EPHA2: variants seen among roughly 807,000 people sequenced by gnomAD.
EPHA2 encodes EPH receptor A2, also known as ephrin type-A receptor 2.
Under a neutral mutation model 104.9 loss-of-function variants are expected in EPHA2, and 54 were observed. The ratio of observed to expected loss-of-function variants is 0.51; its 90% CI spans 0.41 to 0.65. The LOEUF is 0.65. Ranked by LOEUF, EPHA2 falls within the 30% of genes least tolerant of loss-of-function variation. The pLI, the probability that EPHA2 is intolerant of heterozygous loss-of-function variation, is 0.00. For missense variants in EPHA2, 1,117 were observed against 1,369.5 expected, an observed-to-expected ratio of 0.82 and a Z score of 2.91; for synonymous variants, 560 against 559.1, an observed-to-expected ratio of 1.00 and a Z score of -0.02.
chr1:16,155,681 T>C, intron 1 of EPHA2, 167 bp downstream of exon 1: 1 of 489,206 alleles, frequency 2.0e-6, no homozygotes. Flanking sequence ...TGACCCCGGG[T>C]GGGGGCCAGG....
intron 1 of EPHA2, among the ~76,000 whole-genome samples, chr1:16,152,903 C>G (rs2025070142): frequency 6.6e-6 from 1 of 152,204 alleles, no homozygotes; most frequent in Admixed American, 6.5e-5. Flanking sequence ...GGGAAATTCC[C>G]TCGAACCAAC....
At chr1:16,146,607 G>C (rs1026018222) in intron 3 of EPHA2, among the ~76,000 whole-genome samples, 5 of 152,238 alleles carry the variant, frequency 3.3e-5, no homozygotes, top group Admixed American at 6.5e-5. Flanking sequence ...CCTGGGGAAG[G>C]GGGGCTCGCT....
rs1269360439 is a variant in EPHA2, at chr1:16,155,871, G to A, written c.62C>T (p.Ala21Val). 2 of 1,460,456 alleles carry A rather than the reference G, an allele frequency of 1.4e-6. No homozygotes were observed. Among genetic ancestry groups the A allele is most frequent in the Non-Finnish European group, 9.0e-7 (1 of 1,113,014 alleles). The allele number at this position is 1,460,456 out of a possible 1,614,324, so 90.5% of individuals were successfully genotyped here. Residue 21 changes from alanine to valine, a missense_variant, in exon 1 of 17, where the codon GCC becomes GTC. Ala to Val is a moderately conservative substitution (Grantham distance 64). Around this residue, in one of 3 missense-constraint regions of EPHA2, gnomAD observed 664 missense variants for 784.8 expected, o/e 0.85. Coordinates refer to ENST00000358432, the MANE Select transcript of EPHA2 (RefSeq NM_004431.5). ...ALLWGCALAA[A>V]AAAQGKEVVL... ...ACCTTCCTTGCCCTGCGCCGCCGCG[G>A]CCGCGGCCAGCGCACAGCCCCACAG...
At chr1:16,126,132 T>C (rs1264180788) in intron 16 of EPHA2, among the ~76,000 whole-genome samples, 1 of 152,136 alleles carries the variant, frequency 6.6e-6, no homozygotes, top group Non-Finnish European at 1.5e-5. Flanking sequence ...CAGTACCAGA[T>C]GGACAGATGT....
chr1:16,149,590 A>C (rs1160452952), intron 2 of EPHA2, among the ~76,000 whole-genome samples: 2 of 152,250 alleles, frequency 1.3e-5, no homozygotes, highest in Non-Finnish European at 1.5e-5. Context: ...TTGGCTTTGC[A>C]GCAGATGAAC....
rs1336169468 is a variant in EPHA2, at chr1:16,131,182, A to G, written c.2475+539T>C. ...CATACGGATGCACACACATGCATGG[A>G]CACACGGATACACACGTACACCCCA... On this transcript the variant is annotated intron_variant, in intron 14 of 16. Coordinates refer to ENST00000358432, the MANE Select transcript of EPHA2 (RefSeq NM_004431.5). The surrounding 1 kb of genome is among the most constrained non-coding windows in gnomAD (Gnocchi z 5.2). Among the ~76,000 whole-genome samples the G allele has an allele frequency of 1.3e-5, 2 of 152,210 alleles. No homozygotes were observed. Among genetic ancestry groups the G allele is most frequent in the African/African-American group, 4.8e-5 (2 of 41,454 alleles).
Position 16,148,724 on chromosome 1 carries a change from G to T in EPHA2, c.477C>A (p.Arg159=). ...GCTCCTCCACGTTCAGCTTCACGTG[G>T]CGTGCCTCGAAGTCGCTGCTGACGG... The part of the protein sequence containing the change: ...EITVSSDFEA[R]HVKLNVEERS... The change falls in exon 3 of 17, where the codon CGC becomes CGA. Residue 159 remains arginine, a synonymous_variant. Coordinates refer to ENST00000358432, the MANE Select transcript of EPHA2 (RefSeq NM_004431.5). The surrounding 1 kb of genome is among the most constrained non-coding windows in gnomAD (Gnocchi z 4.9). The T allele has an allele frequency of 6.2e-7, 1 of 1,613,644 alleles. No homozygotes were observed. Among genetic ancestry groups the T allele is most frequent in the Non-Finnish European group, 8.5e-7 (1 of 1,180,046 alleles).
chr1:16,130,526 C>T lies in EPHA2; in HGVS notation c.2476-107G>A. On this transcript the variant is annotated intron_variant, in intron 14 of 16. Transcript: ENST00000358432. This position sits in a 1 kb window ranked among gnomAD's most constrained non-coding sequence, Gnocchi z 4.5. ...GGGGAGGGGAGGGGAACAGGAACAT[C>T]CCAGAAACAGACAGGAAGGGCCTTT... 1 of 1,139,330 alleles carries T rather than the reference C, an allele frequency of 8.8e-7. No homozygotes were observed. The highest frequency in any genetic ancestry group is 1.2e-6 in the Non-Finnish European group (1 of 832,996). The allele number at this position is 1,139,330 out of a possible 1,614,324, so 70.6% of individuals were successfully genotyped here.
chr1:16,151,077 AC>A, intron 1 of EPHA2, 114 bp from the exon 2 acceptor site: 1 of 939,978 alleles, frequency 1.1e-6, no homozygotes. Flanking sequence ...AGCGAGAGGG[AC>A]CCCACCACAC....
At position 16,150,045 on chromosome 1, in the gene EPHA2, C is replaced by T. The variant is rs1028197291; in HGVS notation, c.153+851G>A. Among the ~76,000 whole-genome samples the T allele has an allele frequency of 1.3e-5, 2 of 152,148 alleles. No individual in the cohort carries two copies. Among genetic ancestry groups the T allele is most frequent in the Admixed American group, 6.5e-5 (1 of 15,278 alleles). The stretch of plus-strand genomic sequence containing the variant: ...TGGGTTGTATTAGGTGACCCGTGTT[C>T]CCTCCCAGCTAGACTTCCAGGATCC... On this transcript the variant is annotated intron_variant, in intron 2 of 16. Transcript: ENST00000358432. This position sits in a 1 kb window ranked among gnomAD's most constrained non-coding sequence, Gnocchi z 4.8.
chr1:16,138,248 G>A lies in EPHA2; in HGVS notation c.979+27C>T, dbSNP rs377272914. ...AGGCGGACACGTCACCCTCAGTCAC[G>A]CCACCCTGACCCACTGCAAGACTCA... On this transcript the variant is annotated intron_variant, in intron 4 of 16. Transcript: ENST00000358432. 15 of 1,612,662 alleles carry A rather than the reference G, an allele frequency of 9.3e-6. No individual in the cohort carries two copies. In the Admixed American group the frequency reaches 1.7e-4, roughly 18 times the overall value.
chr1:16,133,415 G>A (rs769717492), intron 10 of EPHA2, 47 bp from the exon 11 acceptor site: 11 of 1,613,914 alleles, frequency 6.8e-6, no homozygotes, highest in Non-Finnish European at 1.7e-6. Context: ...GCCCCGGCAT[G>A]AGGGCTCCCA....
chr1:16,138,088 G>A lies in EPHA2; in HGVS notation c.1077C>T (p.Asp359=), dbSNP rs2124227144. 1 of 1,611,222 alleles carries A rather than the reference G, an allele frequency of 6.2e-7. No individual in the cohort carries two copies. Among genetic ancestry groups the A allele is most frequent in the Non-Finnish European group, 8.5e-7 (1 of 1,179,686 alleles). Residue 359 remains aspartate (D), a synonymous_variant, in exon 5 of 17, where the codon GAC becomes GAT. Transcript: ENST00000358432. ...TPPQDSGGRE[D]IVYSVTCEQC... The stretch of plus-strand genomic sequence containing the variant: ...GTTCGCAGGTGACGCTGTAGACAAT[G>A]TCCTCGCGGCCCCCGCTGTCCTGAG...
chr1:16,143,808 G>A (rs2024874885), intron 3 of EPHA2, among the ~76,000 whole-genome samples: 1 of 152,156 alleles, frequency 6.6e-6, no homozygotes, highest in African/African-American at 2.4e-5. Context: ...TTGTCTCTGG[G>A]CCCTGACAGA....
At position 16,131,914 on chromosome 1, in the gene EPHA2, GC is replaced by G; in HGVS notation, c.2326-45del. 6.2e-7 allele frequency: 1 copy of G among 1,606,876 alleles called. No homozygotes were observed. Among genetic ancestry groups the G allele is most frequent in the Non-Finnish European group, 8.5e-7 (1 of 1,176,376 alleles). ...CAGTCACCACTGTGCCCTCTGGCTG[GC>G]CCCAGGACCATTGCAGCCAAGCCCC... On this transcript the variant is annotated intron_variant, in intron 13 of 16. Transcript: ENST00000358432. The surrounding 1 kb of genome is among the most constrained non-coding windows in gnomAD (Gnocchi z 5.2).
Position 16,130,458 on chromosome 1 carries a change from G to A in EPHA2, c.2476-39C>T. 6.6e-7 allele frequency: 1 copy of A among 1,521,512 alleles called. No homozygotes were observed. Among genetic ancestry groups the A allele is most frequent in the Non-Finnish European group, 8.8e-7 (1 of 1,132,600 alleles). 94.3% of individuals were successfully genotyped at this position (1,521,512 alleles called of 1,614,324 possible). On this transcript the variant is annotated intron_variant, in intron 14 of 16. Coordinates refer to ENST00000358432, the MANE Select transcript of EPHA2 (RefSeq NM_004431.5). The surrounding 1 kb of genome is among the most constrained non-coding windows in gnomAD (Gnocchi z 4.5). ...AAGGTCAGGGGCGCTGTTGCAGAAA[G>A]CCACTGAAACCCTCTGCAGCCTCCA... is the stretch of plus-strand genomic sequence containing the variant.
rs72887916 is a variant in EPHA2, at chr1:16,125,562, G to A, written c.2826-242C>T. On this transcript the variant is annotated intron_variant, in intron 16 of 16. Coordinates refer to ENST00000358432, the MANE Select transcript of EPHA2 (RefSeq NM_004431.5). The surrounding 1 kb of genome is among the most constrained non-coding windows in gnomAD (Gnocchi z 4.9). ...CCACCATCAACAAAGTTAGGAAAACGACAGAAGCCTCAACTCTGTACGATG... is the reference window on the plus strand; with the variant it reads ...CCACCATCAACAAAGTTAGGAAAACAACAGAAGCCTCAACTCTGTACGATG... 0.01 allele frequency among the ~76,000 whole-genome samples: 1,525 copies of A among 152,236 alleles called. 30 individuals carry two copies. Among genetic ancestry groups the A allele is most frequent in the African/African-American group, 0.031 (1,303 of 41,532 alleles).
In EPHA2 at chr1:16,129,386, G is replaced by A. The variant is rs2024531187; in HGVS notation, c.2825+48C>T. 2.5e-6 allele frequency: 4 copies of A among 1,599,810 alleles called. No individual in the cohort carries two copies. The South Asian group carries it at 3.3e-5, about 13-fold the overall frequency. ...TGGGGGGGGCATGGAGGCAGCCTCT[G>A]GAGTGGGAGGCGGGAGGCGAGGGGG... On this transcript the variant is annotated intron_variant, in intron 16 of 16. Transcript: ENST00000358432.
chr1:16,126,163 G>T (rs61208131), intron 16 of EPHA2, among the ~76,000 whole-genome samples: 1,675 of 152,182 alleles, frequency 0.011, 35 homozygotes, highest in African/African-American at 0.038. Context: ...CCACAGCCCT[G>T]CTTTCCCACC....
Sources: allele counts gnomAD v4.1 joint callset (sites outside exome capture counted in the v4.1 genomes callset), GRCh38; gene constraint gnomAD v4.1.1; regional missense constraint gnomAD v4.1.1; non-coding constraint Gnocchi (gnomAD v3.1); transcripts MANE v1.5; gene names NCBI Gene and HGNC (gene_info 2026-07-23, HGNC 2026-07-21).